The following ULK4 variants were observed in gnomAD, a reference collection of about 807,000 sequenced individuals.
ULK4 encodes the protein unc-51 like kinase 4, also known as inactive serine/threonine-protein kinase ULK4.
Under a neutral mutation model 160.6 loss-of-function variants are expected in ULK4, and 133 were observed. The ratio of observed to expected loss-of-function variants is 0.83; its 90% confidence interval spans 0.72 to 0.96. The LOEUF (loss-of-function observed/expected upper bound fraction) is 0.96, where lower values mean the gene tolerates loss of function less well. Among genes scored for constraint, ULK4 ranks in the 40% least tolerant of loss-of-function variants. The pLI is 0.00. For synonymous variants in ULK4, 534 were observed against 539.8 expected (o/e 0.99, Z 0.15); for missense variants, 1,580 against 1,499.5 (o/e 1.05, Z -0.89).
At chr3:41,908,789 A>G (rs1698669050) in intron 11 of ULK4, among the ~76,000 whole-genome samples, 1 of 151,896 alleles carries the variant, frequency 6.6e-6, no homozygotes, top group Admixed American at 6.6e-5. Flanking sequence ...GATCATTAAT[A>G]TTTTTTAATT....
At chr3:41,645,723 C>G (rs540244407) in intron 30 of ULK4, among the ~76,000 whole-genome samples, 60 of 152,202 alleles carry the variant, frequency 3.9e-4, no homozygotes, top group African/African-American at 1.4e-3. Flanking sequence ...TGGTGCAGAG[C>G]TGAGTTCAAT....
At chr3:41,407,414 C>T (rs148279819) in intron 34 of ULK4, among the ~76,000 whole-genome samples, 2 of 152,200 alleles carry the variant, frequency 1.3e-5, no homozygotes, top group African/African-American at 4.8e-5. Flanking sequence ...AAAACAACAA[C>T]AATAACAACA....
intron 32 of ULK4, among the ~76,000 whole-genome samples, chr3:41,531,170 C>T (rs974154433): frequency 2.5e-4 from 37 of 149,702 alleles, no homozygotes; most frequent in Non-Finnish European, 3.0e-5. Flanking sequence ...GGGCCGGGCG[C>T]GGTGGCTCAG....
intron 21 of ULK4, among the ~76,000 whole-genome samples, chr3:41,779,985 T>TAAAAAA (rs777587812): frequency 1.9e-4 from 11 of 59,270 alleles, no homozygotes; most frequent in African/African-American, 4.7e-4. Context: ...TAGAGTATAA[T>TAAAAAA]AAAAAAAAAA....
chr3:41,772,396 C>T (rs536555140), intron 21 of ULK4, among the ~76,000 whole-genome samples: 63 of 151,762 alleles, frequency 4.2e-4, no homozygotes, highest in East Asian at 1.2e-3. Flanking sequence ...ATATCACCAC[C>T]GATCCCACAG....
chr3:41,589,366 G>T (rs1453714882), intron 31 of ULK4, among the ~76,000 whole-genome samples: 1 of 144,986 alleles, frequency 6.9e-6, no homozygotes, highest in Non-Finnish European at 1.5e-5. Flanking sequence ...TCTGTACAAA[G>T]GTTCCAGTGG....
chr3:41,833,772 G>T (rs1023009483), intron 18 of ULK4, among the ~76,000 whole-genome samples: 1 of 151,922 alleles, frequency 6.6e-6, no homozygotes, highest in Non-Finnish European at 1.5e-5. Flanking sequence ...AGACAAGGGG[G>T]GTTTCTAAAT....
At chr3:41,666,749 T>A (rs140805238) in intron 29 of ULK4, among the ~76,000 whole-genome samples, 1 of 152,160 alleles carries the variant, frequency 6.6e-6, no homozygotes, top group African/African-American at 2.4e-5. Context: ...AGAGGAAATA[T>A]GGACAACTAC....
At chr3:41,264,268 C>T (rs1183540123) in intron 35 of ULK4, among the ~76,000 whole-genome samples, 1 of 152,220 alleles carries the variant, frequency 6.6e-6, no homozygotes, top group East Asian at 1.9e-4. Flanking sequence ...GGGAATGGTC[C>T]AGGTGAGAGG....
intron 31 of ULK4, among the ~76,000 whole-genome samples, chr3:41,574,293 T>C (rs981176260): frequency 6.6e-6 from 1 of 152,128 alleles, no homozygotes; most frequent in Non-Finnish European, 1.5e-5. Context: ...GTCCCACAGC[T>C]TGCCCAGCCA....
intron 35 of ULK4, among the ~76,000 whole-genome samples, chr3:41,370,932 G>A (rs1223132782): frequency 6.6e-6 from 1 of 152,200 alleles, no homozygotes; most frequent in Non-Finnish European, 1.5e-5. Flanking sequence ...ATCTGAAGCT[G>A]ATCCTGGATG....
At chr3:41,743,374 C>G (rs2038305773) in intron 22 of ULK4, among the ~76,000 whole-genome samples, 1 of 151,140 alleles carries the variant, frequency 6.6e-6, no homozygotes, top group Admixed American at 6.6e-5. Context: ...ATGCAGTAAT[C>G]TTCAGGAATA....
chr3:41,753,240 G>A (rs555235185), intron 22 of ULK4, among the ~76,000 whole-genome samples: 2 of 152,010 alleles, frequency 1.3e-5, no homozygotes, highest in Admixed American at 6.6e-5. Context: ...ACAGAAATTT[G>A]TTGTCTTGTT....
chr3:41,370,052 G>A (rs1411677350), intron 35 of ULK4, among the ~76,000 whole-genome samples: 1 of 152,060 alleles, frequency 6.6e-6, no homozygotes, highest in Non-Finnish European at 1.5e-5. Context: ...AGGTTGCTAA[G>A]CAACGTCACA....
chr3:41,696,871 A>G (rs28689701), intron 27 of ULK4, among the ~76,000 whole-genome samples: 29,420 of 152,078 alleles, frequency 0.19, 7,504 homozygotes, highest in African/African-American at 0.59. Context: ...AGGTTAGAGA[A>G]AGATTTGAAG....
At chr3:41,729,234 T>A (rs959851282) in intron 22 of ULK4, among the ~76,000 whole-genome samples, 21 of 152,108 alleles carry the variant, frequency 1.4e-4, no homozygotes, top group African/African-American at 5.1e-4. Flanking sequence ...ATGAGGAAAT[T>A]CCCCCTACAA....
chr3:41,536,018 C>T (rs1025820601), intron 32 of ULK4, among the ~76,000 whole-genome samples: 1 of 152,196 alleles, frequency 6.6e-6, no homozygotes, highest in African/African-American at 2.4e-5. Flanking sequence ...TCCCCCTCTT[C>T]CCCTGCAGTC....
chr3:41,789,630 T>C (rs200265583), intron 21 of ULK4, 31 bp downstream of exon 21: 10 of 1,503,554 alleles, frequency 6.7e-6, no homozygotes, highest in Non-Finnish European at 2.7e-6. Flanking sequence ...CAATTTTTAA[T>C]GTAGAGTAAC....
intron 21 of ULK4, among the ~76,000 whole-genome samples, chr3:41,762,648 T>C (rs1195698588): frequency 6.8e-6 from 1 of 146,720 alleles, no homozygotes; most frequent in East Asian, 2.0e-4. Flanking sequence ...AGCCAGGAAG[T>C]GTTACACTTT....
Sources: gnomAD v4.1 joint callset for allele counts (sites outside exome capture counted in the v4.1 genomes callset) on GRCh38, gnomAD v4.1.1 for gene constraint, MANE v1.5 for transcripts, NCBI Gene and HGNC (gene_info 2026-07-23, HGNC 2026-07-21) for gene names.